Variants in PDE4B observed in about 807,000 individuals in gnomAD.
PDE4B encodes 3',5'-cyclic-AMP phosphodiesterase 4B.
PDE4B carries 20 observed loss-of-function variants against 82.2 expected under a neutral mutation model. The observed-to-expected ratio is 0.24, with a 90% CI of 0.17 to 0.35. PDE4B has a LOEUF of 0.35. PDE4B is among the 10% of genes least tolerant of loss of function. The pLI is 1.00. For missense variants in PDE4B, 655 were observed against 907.2 expected (o/e 0.72, Z 3.57); for synonymous variants, 320 against 318.9 (o/e 1.00, Z -0.04).
intron 1 of PDE4B, among the ~76,000 whole-genome samples, chr1:65,897,731 C>A (rs996197381): frequency 6.6e-6 from 1 of 151,890 alleles, no homozygotes; most frequent in Non-Finnish European, 1.5e-5. Flanking sequence ...ATCCAATCTA[C>A]CATTGATGGG....
intron 3 of PDE4B, among the ~76,000 whole-genome samples, chr1:66,066,923 A>C (rs956380821): frequency 6.6e-6 from 1 of 152,038 alleles, no homozygotes; most frequent in Admixed American, 6.6e-5. Context: ...GATTATTCTG[A>C]ACATTCAGCA....
chr1:66,181,270 C>T (rs977857030), intron 3 of PDE4B, among the ~76,000 whole-genome samples: 1 of 152,142 alleles, frequency 6.6e-6, no homozygotes, highest in Non-Finnish European at 1.5e-5. Context: ...AATCCAAGTA[C>T]TAAAGAACAC....
At chr1:65,861,069 A>G (rs778040549) in intron 1 of PDE4B, among the ~76,000 whole-genome samples, 2 of 152,046 alleles carry the variant, frequency 1.3e-5, no homozygotes, top group East Asian at 1.9e-4. Flanking sequence ...CCTTTTGTCA[A>G]TGTTGACTTT....
intron 8 of PDE4B, among the ~76,000 whole-genome samples, chr1:66,349,560 C>T (rs1054032875): frequency 4.6e-5 from 7 of 152,152 alleles, no homozygotes; most frequent in African/African-American, 4.8e-5. Context: ...ATTAAGCAGA[C>T]GTTAATGGAC....
chr1:65,852,514 A>T (rs1441598680), intron 1 of PDE4B, among the ~76,000 whole-genome samples: 2 of 151,728 alleles, frequency 1.3e-5, no homozygotes, highest in African/African-American at 4.8e-5. Flanking sequence ...TTATTCTACA[A>T]CATTAATATG....
intron 3 of PDE4B, among the ~76,000 whole-genome samples, chr1:65,997,902 TGA>T (rs1265241868): frequency 6.6e-6 from 1 of 151,874 alleles, no homozygotes; most frequent in African/African-American, 2.4e-5. Context: ...CACTAGAGAG[TGA>T]GTCAATGTGT....
intron 3 of PDE4B, among the ~76,000 whole-genome samples, chr1:66,114,273 T>G (rs1645547422): frequency 6.6e-6 from 1 of 152,164 alleles, no homozygotes; most frequent in Non-Finnish European, 1.5e-5. Context: ...TTCTACTGTT[T>G]ATGAGCTACT....
intron 3 of PDE4B, among the ~76,000 whole-genome samples, chr1:65,985,716 A>G (rs1436934161): frequency 6.6e-6 from 1 of 152,132 alleles, no homozygotes; most frequent in Admixed American, 6.6e-5. Context: ...ATCTTGATTT[A>G]ATGATGACCT....
chr1:66,109,886 G>A (rs1645445936), intron 3 of PDE4B, among the ~76,000 whole-genome samples: 1 of 151,674 alleles, frequency 6.6e-6, no homozygotes, highest in Non-Finnish European at 1.5e-5. Flanking sequence ...TTTTTGTTAG[G>A]CTATCAGACG....
intron 1 of PDE4B, among the ~76,000 whole-genome samples, chr1:65,793,802 C>G (rs368253396): frequency 3.9e-5 from 6 of 152,314 alleles, no homozygotes; most frequent in African/African-American, 1.2e-4. Context: ...GGGGCTTGGA[C>G]CTTTCTAGCT....
intron 1 of PDE4B, among the ~76,000 whole-genome samples, chr1:65,887,819 G>GT (rs1299882364): frequency 6.6e-6 from 1 of 151,638 alleles, no homozygotes. Context: ...TTTTTAACTT[G>GT]TTTGAGTTCC....
At chr1:66,370,833 T>G (rs556503192) in intron 16 of PDE4B, among the ~76,000 whole-genome samples, 48 of 151,824 alleles carry the variant, frequency 3.2e-4, no homozygotes, top group African/African-American at 1.1e-3. Flanking sequence ...TTGAAAATAG[T>G]CTCTAACATT....
At chr1:66,240,126 G>T (rs1652776533) in intron 3 of PDE4B, among the ~76,000 whole-genome samples, 1 of 152,206 alleles carries the variant, frequency 6.6e-6, no homozygotes. Flanking sequence ...ACTTTTAGGG[G>T]TTGATTAGGG....
chr1:65,953,052 T>C (rs2100576021), intron 3 of PDE4B, among the ~76,000 whole-genome samples: 1 of 152,250 alleles, frequency 6.6e-6, no homozygotes, highest in South Asian at 2.1e-4. Context: ...CCTAAGCATG[T>C]CTTGGGCCCT....
chr1:66,102,699 GGGA>G (rs1645251621), intron 3 of PDE4B, among the ~76,000 whole-genome samples: 1 of 151,906 alleles, frequency 6.6e-6, no homozygotes, highest in Non-Finnish European at 1.5e-5. Flanking sequence ...ACAAATATAA[GGGA>G]TCTGCAAGAT....
chr1:66,309,721 A>G (rs1300595970), intron 7 of PDE4B, among the ~76,000 whole-genome samples: 1 of 152,204 alleles, frequency 6.6e-6, no homozygotes, highest in East Asian at 1.9e-4. Flanking sequence ...TTTCATTTCT[A>G]GAATGGAGAT....
intron 3 of PDE4B, among the ~76,000 whole-genome samples, chr1:66,134,611 G>T (rs1646018080): frequency 6.6e-6 from 1 of 152,076 alleles, no homozygotes. Context: ...TTCATTTGGT[G>T]GTCTTTAACA....
chr1:65,829,723 C>A (rs1401651468), intron 1 of PDE4B, among the ~76,000 whole-genome samples: 1 of 151,988 alleles, frequency 6.6e-6, no homozygotes, highest in African/African-American at 2.4e-5. Context: ...TAAGAAGTCT[C>A]AAGGATAATT....
intron 3 of PDE4B, among the ~76,000 whole-genome samples, chr1:66,132,924 T>C (rs1557584651): frequency 6.6e-6 from 1 of 152,218 alleles, no homozygotes; most frequent in Non-Finnish European, 1.5e-5. Context: ...ACTAGGGGAC[T>C]CAGATAGAGC....
Sources: allele counts gnomAD v4.1 joint callset (sites outside exome capture counted in the v4.1 genomes callset), GRCh38; gene constraint gnomAD v4.1.1; transcripts MANE v1.5; gene names NCBI Gene and HGNC (gene_info 2026-07-23, HGNC 2026-07-21).